Variants in NRXN1 observed in about 807,000 individuals in gnomAD.
NRXN1 encodes neurexin-1.
Under a neutral mutation model 150.9 loss-of-function variants are expected in NRXN1, and 39 were observed. The ratio of observed to expected loss-of-function variants is 0.26; its 90% CI spans 0.20 to 0.34. NRXN1 has a LOEUF of 0.34. Ranked by LOEUF, NRXN1 falls within the 10% of genes least tolerant of loss-of-function variation. The pLI is 1.00. For synonymous variants in NRXN1, 924 were observed against 757.0 expected (o/e 1.22, Z -3.62); for missense variants, 1,815 against 1,949.9 (o/e 0.93, Z 1.30).
intron 17 of NRXN1, among the ~76,000 whole-genome samples, chr2:50,378,131 C>G (rs1280407403): frequency 1.3e-5 from 2 of 152,098 alleles, no homozygotes; most frequent in Non-Finnish European, 2.9e-5. Flanking sequence ...GCTAGATCAG[C>G]CATGGAAATA....
chr2:49,954,980 T>A (rs1418782880), intron 21 of NRXN1, among the ~76,000 whole-genome samples: 1 of 152,180 alleles, frequency 6.6e-6, no homozygotes, highest in African/African-American at 2.4e-5. Flanking sequence ...TTTGCGTGAA[T>A]AAAAGGATTT....
At chr2:50,717,732 G>T (rs565690543) in intron 5 of NRXN1, among the ~76,000 whole-genome samples, 2 of 152,166 alleles carry the variant, frequency 1.3e-5, no homozygotes, top group South Asian at 2.1e-4. Flanking sequence ...GGTGCCAGCA[G>T]ATTTCACATC....
At chr2:50,113,952 C>T (rs1702700979) in intron 18 of NRXN1, among the ~76,000 whole-genome samples, 1 of 152,080 alleles carries the variant, frequency 6.6e-6, no homozygotes, top group Admixed American at 6.6e-5. Context: ...AGATACAAAA[C>T]AAACTAAGGG....
At chr2:50,051,892 C>T (rs116824622) in intron 21 of NRXN1, among the ~76,000 whole-genome samples, 1,960 of 151,932 alleles carry the variant, frequency 0.013, 53 homozygotes, top group African/African-American at 0.045. Context: ...ATTTTGTAGC[C>T]ACATGCAAAT....
At chr2:50,111,381 C>T (rs1446614021) in intron 18 of NRXN1, among the ~76,000 whole-genome samples, 1 of 152,140 alleles carries the variant, frequency 6.6e-6, no homozygotes, top group Non-Finnish European at 1.5e-5. Flanking sequence ...GGTGGTCACT[C>T]CCGTAATCCC....
chr2:50,822,336 A>C (rs187494130), intron 5 of NRXN1, among the ~76,000 whole-genome samples: 1 of 152,306 alleles, frequency 6.6e-6, no homozygotes, highest in Admixed American at 6.5e-5. Flanking sequence ...TGCTTTTATT[A>C]AAGAGAAAAT....
chr2:50,679,114 GGAA>G (rs769955208), intron 5 of NRXN1, among the ~76,000 whole-genome samples: 1 of 151,926 alleles, frequency 6.6e-6, no homozygotes, highest in Non-Finnish European at 1.5e-5. Context: ...TTTTCTTCTT[GGAA>G]GAAGAAGATG....
chr2:50,243,281 G>A (rs925963498), intron 17 of NRXN1, among the ~76,000 whole-genome samples: 2 of 151,454 alleles, frequency 1.3e-5, no homozygotes, highest in Non-Finnish European at 3.0e-5. Context: ...CTATAAGTGT[G>A]TACAATTATA....
At chr2:50,158,806 T>C (rs2059183929) in intron 18 of NRXN1, among the ~76,000 whole-genome samples, 1 of 152,092 alleles carries the variant, frequency 6.6e-6, no homozygotes, top group African/African-American at 2.4e-5. Context: ...CACCACATAT[T>C]GGCTACCCTG....
At chr2:50,137,302 G>C (rs375221951) in intron 18 of NRXN1, among the ~76,000 whole-genome samples, 8 of 152,072 alleles carry the variant, frequency 5.3e-5, no homozygotes, top group Non-Finnish European at 1.2e-4. Flanking sequence ...TGTTCACCAA[G>C]CGCATACTCT....
intron 18 of NRXN1, among the ~76,000 whole-genome samples, chr2:50,196,924 G>A (rs1229311652): frequency 2.0e-5 from 3 of 152,100 alleles, no homozygotes; most frequent in Admixed American, 6.6e-5. Flanking sequence ...GAGGGTGGGA[G>A]GAAGGAGTGG....
chr2:50,705,522 A>G (rs1241082375), intron 5 of NRXN1, among the ~76,000 whole-genome samples: 3 of 152,208 alleles, frequency 2.0e-5, no homozygotes, highest in African/African-American at 4.8e-5. Context: ...CAAAGAAGTG[A>G]TCTGGCACTA....
At chr2:50,880,563 T>C (rs1379487031) in intron 5 of NRXN1, among the ~76,000 whole-genome samples, 1 of 151,992 alleles carries the variant, frequency 6.6e-6, no homozygotes, top group African/African-American at 2.4e-5. Context: ...TTAAAAGACA[T>C]GACATCATTT....
At chr2:50,510,658 T>C (rs141754762) in intron 12 of NRXN1, among the ~76,000 whole-genome samples, 63 of 152,304 alleles carry the variant, frequency 4.1e-4, no homozygotes, top group South Asian at 3.1e-3. Context: ...AAGCCAGATA[T>C]ATTAATTTTT....
chr2:50,183,621 A>G (rs960339050), intron 18 of NRXN1, among the ~76,000 whole-genome samples: 1 of 151,038 alleles, frequency 6.6e-6, no homozygotes, highest in Non-Finnish European at 1.5e-5. Flanking sequence ...TGGACCCTCC[A>G]TGGGATATCT....
At chr2:50,200,414 G>A (rs1320928879) in intron 18 of NRXN1, among the ~76,000 whole-genome samples, 1 of 152,056 alleles carries the variant, frequency 6.6e-6, no homozygotes, top group East Asian at 1.9e-4. Flanking sequence ...TTTTATCAGA[G>A]ATACTAGTCT....
intron 18 of NRXN1, among the ~76,000 whole-genome samples, chr2:50,199,506 G>A (rs769685983): frequency 4.7e-5 from 7 of 148,546 alleles, no homozygotes; most frequent in Admixed American, 2.1e-4. Context: ...CAAAGTAATC[G>A]CTCTCTCTCT....
intron 18 of NRXN1, among the ~76,000 whole-genome samples, chr2:50,171,530 T>TA (rs2152801503): frequency 6.6e-6 from 1 of 152,194 alleles, no homozygotes; most frequent in East Asian, 1.9e-4. Flanking sequence ...TTTAGAGTGT[T>TA]ACTTCAACTG....
At chr2:50,944,957 T>G (rs923903062) in intron 2 of NRXN1, among the ~76,000 whole-genome samples, 3 of 152,218 alleles carry the variant, frequency 2.0e-5, no homozygotes, top group African/African-American at 4.8e-5. Flanking sequence ...ATTACTTCAG[T>G]GTTTTCTGCT....
Sources: allele counts gnomAD v4.1 joint callset (sites outside exome capture counted in the v4.1 genomes callset), GRCh38; gene constraint gnomAD v4.1.1; transcripts MANE v1.5; gene names NCBI Gene and HGNC (gene_info 2026-07-23, HGNC 2026-07-21).